NAALADL2: variants seen among roughly 807,000 people sequenced by gnomAD.
NAALADL2 encodes the protein inactive N-acetylated-alpha-linked acidic dipeptidase-like protein 2.
A neutral mutation model predicts 87.2 loss-of-function variants in NAALADL2; 76 were observed. That is an observed-to-expected ratio of 0.87 (90% CI 0.72 to 1.05). The LOEUF is 1.05. Ranked by LOEUF, NAALADL2 falls within the 50% of genes least tolerant of loss-of-function variation. The pLI is 0.00. For synonymous variants in NAALADL2, 354 were observed against 331.0 expected (o/e 1.07, Z -0.75); for missense variants, 1,089 against 945.8 (o/e 1.15, Z -1.99).
intron 1 of NAALADL2, among the ~76,000 whole-genome samples, chr3:174,887,307 G>T (rs1331753398): frequency 8.6e-5 from 13 of 151,950 alleles, no homozygotes; most frequent in Admixed American, 8.5e-4. Context: ...CTACATACTT[G>T]CTTGCTTCTT....
At chr3:175,083,339 G>C (rs1718246637) in intron 1 of NAALADL2, among the ~76,000 whole-genome samples, 1 of 152,194 alleles carries the variant, frequency 6.6e-6, no homozygotes, top group Admixed American at 6.5e-5. Flanking sequence ...AACATCTGCA[G>C]TGTTCAGAAT....
chr3:175,594,181 A>T (rs946495728), intron 10 of NAALADL2, among the ~76,000 whole-genome samples: 11 of 151,888 alleles, frequency 7.2e-5, no homozygotes. Flanking sequence ...CTCAGTGTCT[A>T]TTGTTCCCAT....
intron 6 of NAALADL2, chr3:175,460,142 G>A (rs769554081): frequency 6.1e-5 from 28 of 456,196 alleles, no homozygotes; most frequent in Middle Eastern, 3.2e-4. Context: ...CCTTACCAAC[G>A]GATTGTTCAA....
At chr3:174,769,737 C>G (rs781682239) in intron 3 of NAALADL2, among the ~76,000 whole-genome samples, 55 of 151,400 alleles carry the variant, frequency 3.6e-4, no homozygotes, top group Admixed American at 1.4e-3. Flanking sequence ...TCATGTCACA[C>G]TTTTGAAAAC....
chr3:175,515,711 G>A (rs972304797), intron 9 of NAALADL2, among the ~76,000 whole-genome samples: 2 of 152,188 alleles, frequency 1.3e-5, no homozygotes, highest in African/African-American at 4.8e-5. Context: ...AGCCTGGCTG[G>A]ATGGACGTTA....
At chr3:175,504,967 G>A (rs1730096982) in intron 9 of NAALADL2, among the ~76,000 whole-genome samples, 1 of 152,134 alleles carries the variant, frequency 6.6e-6, no homozygotes, top group Admixed American at 6.5e-5. Context: ...TTACAAAAAT[G>A]TTTGACGCTA....
At chr3:174,744,295 G>C (rs920889118) in intron 3 of NAALADL2, among the ~76,000 whole-genome samples, 2 of 151,862 alleles carry the variant, frequency 1.3e-5, no homozygotes, top group Non-Finnish European at 2.9e-5. Context: ...TTATGTCAGA[G>C]TGATGTGATG....
At chr3:174,892,051 C>G (rs1200557980) in intron 1 of NAALADL2, among the ~76,000 whole-genome samples, 1 of 152,108 alleles carries the variant, frequency 6.6e-6, no homozygotes, top group Non-Finnish European at 1.5e-5. Context: ...CTGCTTAGTT[C>G]ACAACACCCA....
chr3:174,997,221 A>G (rs1046396098), intron 1 of NAALADL2, among the ~76,000 whole-genome samples: 13 of 151,814 alleles, frequency 8.6e-5, no homozygotes, highest in African/African-American at 3.1e-4. Flanking sequence ...CTGGATTGGT[A>G]GTTCTACTTT....
chr3:175,290,924 G>T (rs1755569869), intron 4 of NAALADL2, among the ~76,000 whole-genome samples: 1 of 151,956 alleles, frequency 6.6e-6, no homozygotes, highest in Non-Finnish European at 1.5e-5. Context: ...ACTTCTTTGA[G>T]TATTTCCTCA....
intron 1 of NAALADL2, among the ~76,000 whole-genome samples, chr3:174,962,539 G>A (rs1050586856): frequency 5.9e-5 from 9 of 151,370 alleles, no homozygotes; most frequent in African/African-American, 2.2e-4. Flanking sequence ...ATAAAAGGCA[G>A]AAGAGAGTTG....
chr3:175,261,672 T>C lies in NAALADL2; in HGVS notation c.939+5142T>C, dbSNP rs143761024. Among the ~76,000 whole-genome samples, 491 of 152,240 alleles carry C rather than the reference T, an allele frequency of 3.2e-3. 2 individuals are homozygous for C. The highest frequency in any genetic ancestry group is 5.1e-3 in the Non-Finnish European group (344 of 67,968). Reference sequence around the variant, plus strand: ...AGCTAGTTTTTTCATTATTCTTATATACTTTTTTATCCTTATAATGACAAT... The same window carrying C: ...AGCTAGTTTTTTCATTATTCTTATACACTTTTTTATCCTTATAATGACAAT... On this transcript the variant is annotated intron_variant, in intron 4 of 13. Transcript: ENST00000454872.
intron 13 of NAALADL2, among the ~76,000 whole-genome samples, chr3:175,798,270 A>G (rs1304324457): frequency 2.0e-5 from 3 of 152,000 alleles, no homozygotes; most frequent in Non-Finnish European, 4.4e-5. Flanking sequence ...TAACTTAAGT[A>G]ACATCAGAAG....
intron 2 of NAALADL2, among the ~76,000 whole-genome samples, chr3:175,136,722 T>A (rs1488896062): frequency 6.6e-6 from 1 of 152,130 alleles, no homozygotes; most frequent in African/African-American, 2.4e-5. Context: ...CTGCTACCAA[T>A]TGAAGGCTTG....
intron 13 of NAALADL2, among the ~76,000 whole-genome samples, chr3:175,792,191 G>T (rs1752872989): frequency 6.6e-6 from 1 of 152,156 alleles, no homozygotes; most frequent in African/African-American, 2.4e-5. Context: ...AAACTGTGAG[G>T]AAATTTACTC....
intron 1 of NAALADL2, among the ~76,000 whole-genome samples, chr3:174,894,086 A>G (rs1171435957): frequency 6.6e-6 from 1 of 152,176 alleles, no homozygotes; most frequent in Non-Finnish European, 1.5e-5. Flanking sequence ...TAAGACAAAA[A>G]CTATAAGAAG....
intron 9 of NAALADL2, among the ~76,000 whole-genome samples, chr3:175,485,669 C>A (rs1011524209): frequency 3.3e-5 from 5 of 152,102 alleles, no homozygotes; most frequent in Non-Finnish European, 7.4e-5. Context: ...AGCTTTTCCA[C>A]CTTCATCTTC....
In NAALADL2 at chr3:175,420,918, A is replaced by G. The variant is rs897736961; in HGVS notation, c.1091-26311A>G. On this transcript the variant is annotated intron_variant, in intron 5 of 13. Transcript: ENST00000454872. ...TGTTTGCCTATCTGCATCCACATAA[A>G]AAAGTGATTCAATTTTTTTCTCATA... 3.7e-4 allele frequency among the ~76,000 whole-genome samples: 56 copies of G among 152,046 alleles called. 1 individual carries two copies.
At chr3:175,602,469 G>T (rs5028091) in intron 10 of NAALADL2, among the ~76,000 whole-genome samples, 22,431 of 74,890 alleles carry the variant, frequency 0.3, 2,342 homozygotes, top group African/African-American at 0.39. Context: ...TATATATATA[G>T]AGAGAGAGAG....
Sources: allele counts gnomAD v4.1 joint callset (sites outside exome capture counted in the v4.1 genomes callset), GRCh38; gene constraint gnomAD v4.1.1; transcripts MANE v1.5; gene names NCBI Gene and HGNC (gene_info 2026-07-23, HGNC 2026-07-21).